The following THSD4 variants were observed in gnomAD, a reference collection of about 807,000 sequenced individuals.
THSD4 encodes thrombospondin type 1 domain containing 4, also known as thrombospondin type-1 domain-containing protein 4.
A neutral mutation model predicts 119.0 loss-of-function variants in THSD4; 69 were observed. The ratio of observed to expected loss-of-function variants is 0.58; its 90% confidence interval spans 0.48 to 0.71. THSD4 has a LOEUF of 0.71. THSD4 is among the 30% of genes least tolerant of loss of function. The probability of loss-of-function intolerance (pLI) is 0.00; values close to 1 mark genes in which losing one functional copy is unlikely to be tolerated. For missense variants in THSD4, 1,393 were observed against 1,391.1 expected, an observed-to-expected ratio of 1.00 and a Z score of -0.02; for synonymous variants, 524 against 540.4, an observed-to-expected ratio of 0.97 and a Z score of 0.42.
At chr15:71,102,621 AT>A (rs1174222448) in intron 1 of THSD4, among the ~76,000 whole-genome samples, 13 of 152,090 alleles carry the variant, frequency 8.5e-5, no homozygotes, top group African/African-American at 3.1e-4. Flanking sequence ...CTGGAGTACA[AT>A]GGTGTGATCT....
rs1055474769 is a variant in THSD4, at chr15:71,728,645, A to C, written c.1454A>C (p.Lys485Thr). ...YEGGGTMFTY[K>T]RPNEISSTAG... is the part of the protein sequence containing the mutation. ...GGCGGAGGGACCATGTTCACCTACAAGCGTCCAAATGAGATTTCGAGCACT... is the reference window on the plus strand; with the variant it reads ...GGCGGAGGGACCATGTTCACCTACACGCGTCCAAATGAGATTTCGAGCACT... Residue 485 changes from lysine (K) to threonine (T), a missense_variant, in exon 9 of 18, where the codon AAG becomes ACG. Coordinates refer to ENST00000261862, the MANE Select transcript of THSD4 (RefSeq NM_024817.3). 6 of 1,614,106 alleles carry C rather than the reference A, an allele frequency of 3.7e-6. No individual in the cohort carries two copies. In the Admixed American group the frequency reaches 1.0e-4, roughly 27 times the overall value.
At chr15:71,206,066 ATTCTAAAGTCTTG>A (rs1302077150) in intron 3 of THSD4, among the ~76,000 whole-genome samples, 2 of 152,136 alleles carry the variant, frequency 1.3e-5, no homozygotes, top group Non-Finnish European at 2.9e-5. Flanking sequence ...AAAGTCTGAA[ATTCTAAAGTCTTG>A]TTTCAAGTCG....
intron 7 of THSD4, among the ~76,000 whole-genome samples, chr15:71,606,193 T>C (rs549240804): frequency 6.6e-6 from 1 of 152,398 alleles, no homozygotes; most frequent in East Asian, 1.9e-4. Flanking sequence ...TGTTTTTTGG[T>C]TACTTTTTTG....
intron 7 of THSD4, chr15:71,549,543 A>G (rs2048895248): frequency 6.6e-6 from 1 of 152,216 alleles, no homozygotes; most frequent in African/African-American, 2.4e-5. Context: ...GCTTTGAAGA[A>G]TGTGGCATTT....
intron 16 of THSD4, 65 bp downstream of exon 16, chr15:71,765,264 A>C: frequency 6.5e-7 from 1 of 1,534,582 alleles, no homozygotes. Context: ...ACTCCTATAG[A>C]CCCCTCTGGG....
At chr15:71,736,212 T>C (rs1567127134) in intron 10 of THSD4, among the ~76,000 whole-genome samples, 1 of 150,070 alleles carries the variant, frequency 6.7e-6, no homozygotes, top group South Asian at 2.1e-4. Context: ...TGTCTCTCTG[T>C]TGCTGTCTCT....
chr15:71,381,123 T>A (rs1466860234), intron 6 of THSD4, among the ~76,000 whole-genome samples: 4 of 152,166 alleles, frequency 2.6e-5, no homozygotes, highest in Non-Finnish European at 5.9e-5. Flanking sequence ...ATTATTTATA[T>A]CATTTTGCCT....
At chr15:71,163,258 T>G (rs896735541) in intron 3 of THSD4, among the ~76,000 whole-genome samples, 1 of 151,976 alleles carries the variant, frequency 6.6e-6, no homozygotes, top group Admixed American at 6.6e-5. Flanking sequence ...CAGTCATTTT[T>G]TTTTTTAAAC....
chr15:71,373,134 A>G (rs1241184320), intron 6 of THSD4, among the ~76,000 whole-genome samples: 4 of 152,264 alleles, frequency 2.6e-5, no homozygotes, highest in South Asian at 2.1e-4. Context: ...TTATCTAAAT[A>G]GTTCATAATT....
At chr15:71,547,277 GGA>G in intron 7 of THSD4, 3 of 1,475,700 alleles carry the variant, frequency 2.0e-6, no homozygotes, top group Non-Finnish European at 2.7e-6. Flanking sequence ...GTACAGTGAG[GGA>G]GAGCCGAGGG....
At chr15:71,384,355 G>A (rs1389835513) in intron 6 of THSD4, among the ~76,000 whole-genome samples, 1 of 151,962 alleles carries the variant, frequency 6.6e-6, no homozygotes, top group Non-Finnish European at 1.5e-5. Flanking sequence ...TCCAGCCTGG[G>A]CAACGGTACA....
intron 3 of THSD4, among the ~76,000 whole-genome samples, chr15:71,194,582 A>G (rs572092428): frequency 2.0e-3 from 297 of 152,242 alleles, no homozygotes; most frequent in African/African-American, 6.9e-3. Context: ...CGTGTCACTC[A>G]TTCTCTTACC....
chr15:71,145,543 T>C (rs1466365688), intron 2 of THSD4, among the ~76,000 whole-genome samples: 1 of 151,532 alleles, frequency 6.6e-6, no homozygotes, highest in Non-Finnish European at 1.5e-5. Context: ...GCTACTGCAC[T>C]TAGAAATACA....
At chr15:71,548,762 C>T (rs6494945) in intron 7 of THSD4, among the ~76,000 whole-genome samples, 1 of 151,934 alleles carries the variant, frequency 6.6e-6, no homozygotes, top group South Asian at 2.1e-4. Flanking sequence ...TGATTTTTTT[C>T]GTGTGTAGAG....
intron 8 of THSD4, among the ~76,000 whole-genome samples, chr15:71,663,193 A>T (rs1236023983): frequency 6.6e-6 from 1 of 152,128 alleles, no homozygotes; most frequent in East Asian, 1.9e-4. Flanking sequence ...TCAGGGCTGC[A>T]GTGAGTTGTA....
chr15:71,377,340 G>A (rs1405814722), intron 6 of THSD4, among the ~76,000 whole-genome samples: 4 of 152,176 alleles, frequency 2.6e-5, no homozygotes, highest in African/African-American at 9.7e-5. Context: ...AGGACCACAG[G>A]CAGTATGTGG....
chr15:71,264,129 CAT>C (rs2044436809), intron 6 of THSD4, among the ~76,000 whole-genome samples: 1 of 152,206 alleles, frequency 6.6e-6, no homozygotes, highest in African/African-American at 2.4e-5. Context: ...CAGATAAAAA[CAT>C]AGACAATATT....
chr15:71,125,808 G>T (rs1233230960), intron 1 of THSD4, among the ~76,000 whole-genome samples: 1 of 152,250 alleles, frequency 6.6e-6, no homozygotes, highest in African/African-American at 2.4e-5. Context: ...GGTGACTGTG[G>T]TGCTGTGGTT....
In THSD4 at chr15:71,119,962, G is replaced by C. The variant is rs572798548; in HGVS notation, c.-80+4264G>C. On this transcript the variant is annotated intron_variant, in intron 1 of 17. Coordinates refer to ENST00000261862, the MANE Select transcript of THSD4 (RefSeq NM_024817.3). Reference sequence around the variant, plus strand: ...ATGGGTATGCAGAGCTTAAGGCAAAGCCCTAAGGCACATAGCAGGCGCTCA... The same window carrying C: ...ATGGGTATGCAGAGCTTAAGGCAAACCCCTAAGGCACATAGCAGGCGCTCA... Among the ~76,000 whole-genome samples the C allele has an allele frequency of 1.8e-3, 280 of 152,328 alleles. 1 individual carries two copies. Among genetic ancestry groups the C allele is most frequent in the African/African-American group, 6.4e-3 (266 of 41,572 alleles).
Sources: allele counts gnomAD v4.1 joint callset (sites outside exome capture counted in the v4.1 genomes callset), GRCh38; gene constraint gnomAD v4.1.1; transcripts MANE v1.5; gene names NCBI Gene and HGNC (gene_info 2026-07-23, HGNC 2026-07-21).